The following RANBP2 variants were observed in gnomAD, a reference collection of about 807,000 sequenced individuals.
RANBP2 encodes the protein E3 SUMO-protein ligase RanBP2.
In RANBP2, 57 loss-of-function variants were observed where a neutral mutation model predicts 303.6. The observed-to-expected ratio is 0.19, with a 90% CI of 0.15 to 0.23. The LOEUF (loss-of-function observed/expected upper bound fraction) is 0.23, where lower values mean the gene tolerates loss of function less well. RANBP2 is among the 10% of genes least tolerant of loss of function. The pLI is 1.00. For missense variants in RANBP2, 3,138 were observed against 3,780.8 expected, an observed-to-expected ratio of 0.83 and a Z score of 4.46; for synonymous variants, 1,167 against 1,301.5, an observed-to-expected ratio of 0.90 and a Z score of 2.23.
the RANBP2 span, among the ~76,000 whole-genome samples, chr2:109,183,460 A>G: frequency 6.6e-6 from 1 of 152,198 alleles, no homozygotes; most frequent in African/African-American, 2.4e-5. Context: ...CCCACACAGT[A>G]AAGATCTGGA....
the RANBP2 span, among the ~76,000 whole-genome samples, chr2:108,876,763 T>G: frequency 6.6e-6 from 1 of 152,190 alleles, no homozygotes; most frequent in Admixed American, 6.5e-5. Flanking sequence ...AGTTTTTTAT[T>G]ATGCTGTTCA....
At chr2:109,125,320 T>C in the RANBP2 span, among the ~76,000 whole-genome samples, 2 of 152,200 alleles carry the variant, frequency 1.3e-5, no homozygotes, top group African/African-American at 2.4e-5. Context: ...GTTAGAATTA[T>C]CTGACTATCA....
At chr2:108,729,014 T>A in intron 1 of RANBP2, 118 bp from the exon 2 acceptor site, 2 of 1,271,198 alleles carry the variant, frequency 1.6e-6, no homozygotes, top group South Asian at 1.4e-5. Context: ...AAAAAAACTT[T>A]TAAGTGAATG....
the RANBP2 span, among the ~76,000 whole-genome samples, chr2:109,681,042 A>T: frequency 6.6e-6 from 1 of 152,244 alleles, no homozygotes; most frequent in South Asian, 2.1e-4. Context: ...AGCAAACTAA[A>T]TGTCCATCAA....
chr2:108,961,051 C>T, the RANBP2 span, among the ~76,000 whole-genome samples: 1 of 152,172 alleles, frequency 6.6e-6, no homozygotes, highest in African/African-American at 2.4e-5. Flanking sequence ...AGAGGCCAGG[C>T]GTATAAATGA....
chr2:109,278,259 G>A, the RANBP2 span, among the ~76,000 whole-genome samples: 1 of 152,146 alleles, frequency 6.6e-6, no homozygotes, highest in Non-Finnish European at 1.5e-5. Flanking sequence ...CTGAGCCCAC[G>A]GTAGGCACTT....
chr2:109,346,461 C>A, the RANBP2 span, among the ~76,000 whole-genome samples: 1 of 152,124 alleles, frequency 6.6e-6, no homozygotes, highest in Non-Finnish European at 1.5e-5. Context: ...TGAGAAAATG[C>A]GGCTTCTGGT....
the RANBP2 span, among the ~76,000 whole-genome samples, chr2:108,810,527 A>G: frequency 2.0e-5 from 3 of 152,054 alleles, no homozygotes; most frequent in Non-Finnish European, 2.9e-5. Flanking sequence ...TGGTTATGGT[A>G]TATTATCTTT....
At chr2:109,496,964 A>C in the RANBP2 span, among the ~76,000 whole-genome samples, 3 of 152,204 alleles carry the variant, frequency 2.0e-5, no homozygotes, top group African/African-American at 7.2e-5. Context: ...ATGGAGGAAG[A>C]AGCCTCCAGA....
chr2:108,815,887 T>C, the RANBP2 span: 1 of 1,449,916 alleles, frequency 6.9e-7, no homozygotes, highest in Non-Finnish European at 9.4e-7. Context: ...GGTTTGTCTT[T>C]GAAGTTTTAT....
the RANBP2 span, among the ~76,000 whole-genome samples, chr2:109,491,641 C>A: frequency 2.6e-5 from 4 of 152,124 alleles, no homozygotes; most frequent in Non-Finnish European, 4.4e-5. Context: ...GGCTTGGATC[C>A]CCCTGTGTGA....
At position 108,732,352 on chromosome 2, in the gene RANBP2, TTTTTGAGCACTGACATGATG is replaced by T. The variant is rs1267488761; in HGVS notation, c.405+879_405+898del. Reference sequence around the variant, plus strand: ...TCCTAAATGCTCCAGAATCTGAAATTTTTTGAGCACTGACATGATGCTCAAAGGAAATGCTCATTGGAGAA... The same window carrying T: ...TCCTAAATGCTCCAGAATCTGAAATTCTCAAAGGAAATGCTCATTGGAGAA... On this transcript the variant is annotated intron_variant, in intron 4 of 28. Transcript: ENST00000283195. Among the ~76,000 whole-genome samples the T allele has an allele frequency of 3.9e-5, 6 of 152,250 alleles. No individual in the cohort carries two copies. In the East Asian group the frequency reaches 1.2e-3, roughly 29 times the overall value.
the RANBP2 span, among the ~76,000 whole-genome samples, chr2:109,155,513 G>A: frequency 6.6e-6 from 1 of 152,152 alleles, no homozygotes; most frequent in Admixed American, 6.5e-5. Flanking sequence ...GTGTTAGCCA[G>A]GGTGGTCTCG....
chr2:109,674,448 A>G, the RANBP2 span, among the ~76,000 whole-genome samples: 1 of 146,288 alleles, frequency 6.8e-6, no homozygotes, highest in Non-Finnish European at 1.5e-5. Context: ...ACCGAGCATG[A>G]TGGCATGTAC....
chr2:109,244,727 A>AG, the RANBP2 span, among the ~76,000 whole-genome samples: 1 of 152,190 alleles, frequency 6.6e-6, no homozygotes, highest in Non-Finnish European at 1.5e-5. Context: ...TAGAGACAGG[A>AG]GTCAAAGTCA....
the RANBP2 span, among the ~76,000 whole-genome samples, chr2:109,370,243 TTC>T: frequency 7.5e-6 from 1 of 133,378 alleles, no homozygotes; most frequent in East Asian, 3.1e-4. Context: ...CTCTCTCTTT[TTC>T]TTTTTTTTTT....
the RANBP2 span, chr2:109,419,622 G>T: frequency 6.3e-7 from 1 of 1,585,350 alleles, no homozygotes. Flanking sequence ...CGCCTCCCAA[G>T]GTCCAGCTGC....
At chr2:109,582,041 G>C in the RANBP2 span, among the ~76,000 whole-genome samples, 2 of 151,580 alleles carry the variant, frequency 1.3e-5, no homozygotes, top group Non-Finnish European at 2.9e-5. Flanking sequence ...GTCAAGCTGA[G>C]AGCCGTATCA....
chr2:109,135,769 A>G, the RANBP2 span, among the ~76,000 whole-genome samples: 9 of 152,158 alleles, frequency 5.9e-5, no homozygotes, highest in Non-Finnish European at 7.4e-5. Context: ...CTGGGCATCT[A>G]TGCGGAGTAG....
Sources: gnomAD v4.1 joint callset for allele counts (sites outside exome capture counted in the v4.1 genomes callset) on GRCh38, gnomAD v4.1.1 for gene constraint, MANE v1.5 for transcripts, NCBI Gene and HGNC (gene_info 2026-07-23, HGNC 2026-07-21) for gene names.